AMBRA1: variants seen among roughly 807,000 people sequenced by gnomAD.
AMBRA1 encodes the protein autophagy and beclin 1 regulator 1.
A neutral mutation model predicts 125.4 loss-of-function variants in AMBRA1; 47 were observed. That is an observed-to-expected ratio of 0.37 (90% CI 0.30 to 0.48). The LOEUF is 0.48. Among genes scored for constraint, AMBRA1 ranks in the 20% least tolerant of loss-of-function variants. The pLI, the probability that AMBRA1 is intolerant of heterozygous loss-of-function variation, is 0.99. For synonymous variants in AMBRA1, 626 were observed against 655.5 expected (o/e 0.95, Z 0.69); for missense variants, 1,331 against 1,693.4 (o/e 0.79, Z 3.76).
rs535122825 is a variant in AMBRA1 at position 46,475,935 on chromosome 11, C to T, written c.2521+17673G>A. Among the ~76,000 whole-genome samples, 95 of 152,240 alleles carry T rather than the reference C, an allele frequency of 6.2e-4. 2 individuals are homozygous for T. The South Asian group carries it at 0.019, about 31-fold the overall frequency. On this transcript the variant is annotated intron_variant, in intron 11 of 17. Coordinates refer to ENST00000683756, the MANE Select transcript of AMBRA1 (RefSeq NM_001387011.1). ...TGATTTTTTTCAGGAATTCTAAACC[C>T]TAACAGCTATTCTCCAGGTGTCGGA...
At chr11:46,470,508 G>A (rs1949541463) in intron 11 of AMBRA1, among the ~76,000 whole-genome samples, 1 of 146,752 alleles carries the variant, frequency 6.8e-6, no homozygotes, top group African/African-American at 2.6e-5. Flanking sequence ...AGAATGGCGT[G>A]AACCCGGGAG....
chr11:46,410,032 T>C (rs1484155516), intron 16 of AMBRA1, among the ~76,000 whole-genome samples: 2 of 152,258 alleles, frequency 1.3e-5, no homozygotes, highest in African/African-American at 2.4e-5. Flanking sequence ...CCAGGCACCA[T>C]GGCCAGGATG....
chr11:46,421,899 C>T (rs1257862117), intron 14 of AMBRA1, among the ~76,000 whole-genome samples: 1 of 152,140 alleles, frequency 6.6e-6, no homozygotes, highest in East Asian at 1.9e-4. Context: ...GTCATCAGTA[C>T]TGACAAAGAC....
intron 1 of AMBRA1, among the ~76,000 whole-genome samples, chr11:46,582,138 G>A (rs1462342307): frequency 6.7e-6 from 1 of 149,998 alleles, no homozygotes; most frequent in Non-Finnish European, 1.5e-5. Context: ...AAATTCGAAA[G>A]CCTTGACATA....
Position 46,593,967 on chromosome 11 carries a change from G to A in AMBRA1, c.-260C>T, listed in dbSNP as rs1338544353. On this transcript the variant is annotated 5_prime_UTR_variant, in exon 1 of 18. Coordinates refer to ENST00000683756, the MANE Select transcript of AMBRA1 (RefSeq NM_001387011.1). ...AGGCGGCTTGAGCGCGGGGCCTCGC[G>A]GACAACTCAGCCCTCGACCCGGCGC... 2 of 398,512 alleles carry A rather than the reference G, an allele frequency of 5.0e-6. No homozygotes were observed. Among genetic ancestry groups the A allele is most frequent in the African/African-American group, 4.1e-5 (2 of 48,622 alleles). The allele number at this position is 398,512 out of a possible 1,614,324, so 24.7% of individuals were successfully genotyped here.
At chr11:46,433,373 T>C (rs1947544621) in intron 14 of AMBRA1, 101 bp downstream of exon 14, 1 of 1,415,914 alleles carries the variant, frequency 7.1e-7, no homozygotes, top group Non-Finnish European at 9.5e-7. Context: ...GACTGTGTGA[T>C]AGCTCTGGTC....
At chr11:46,569,434 A>ATAT (rs1437827740) in intron 1 of AMBRA1, among the ~76,000 whole-genome samples, 1 of 128,996 alleles carries the variant, frequency 7.8e-6, no homozygotes, top group South Asian at 2.5e-4. Context: ...AGATTAAAAA[A>ATAT]AAAAAAATAT....
chr11:46,593,885 A>AAAAGAAAG lies in AMBRA1; in HGVS notation c.-186_-179dup, dbSNP rs2044695148. On this transcript the variant is annotated 5_prime_UTR_variant, in exon 1 of 18. Coordinates refer to ENST00000683756, the MANE Select transcript of AMBRA1 (RefSeq NM_001387011.1). ...CAGCGAACGGGCTGAGCCACAGGGA[A>AAAAGAAAG]AAAGAAAGAGGAGACAGGAATAAAG... 2.5e-6 allele frequency: 1 copy of AAAAGAAAG among 397,756 alleles called. No homozygotes were observed. The highest frequency in any genetic ancestry group is 4.4e-5 in the Admixed American group (1 of 22,704). 24.6% of individuals were successfully genotyped at this position (397,756 alleles called of 1,614,324 possible).
intron 11 of AMBRA1, among the ~76,000 whole-genome samples, chr11:46,482,824 C>T (rs1316439522): frequency 6.6e-6 from 1 of 151,988 alleles, no homozygotes; most frequent in East Asian, 1.9e-4. Flanking sequence ...GCCTGGCCAA[C>T]ACAGTGAAAC....
intron 15 of AMBRA1, among the ~76,000 whole-genome samples, chr11:46,413,919 C>T (rs941457684): frequency 7.2e-5 from 11 of 152,184 alleles, no homozygotes; most frequent in African/African-American, 2.7e-4. Flanking sequence ...TGGGTTCTTC[C>T]TGGGAACTAC....
intron 1 of AMBRA1, among the ~76,000 whole-genome samples, chr11:46,570,797 G>C (rs1271280721): frequency 6.6e-6 from 1 of 151,982 alleles, no homozygotes; most frequent in African/African-American, 2.4e-5. Flanking sequence ...GTAGGCACAA[G>C]TCATTTTCTA....
At chr11:46,483,492 AGGTGAT>A (rs993243019) in intron 11 of AMBRA1, among the ~76,000 whole-genome samples, 1 of 152,184 alleles carries the variant, frequency 6.6e-6, no homozygotes, top group Non-Finnish European at 1.5e-5. Context: ...AAAAGGTAAG[AGGTGAT>A]GTCTGCCAGC....
rs565209503 is a variant in AMBRA1, at chr11:46,474,085, T to C, written c.2521+19523A>G. Among the ~76,000 whole-genome samples the C allele has an allele frequency of 1.6e-3, 236 of 151,752 alleles. 3 individuals carry two copies. The highest frequency in any genetic ancestry group is 2.4e-3 in the Non-Finnish European group (161 of 67,924). On this transcript the variant is annotated intron_variant, in intron 11 of 17. Coordinates refer to ENST00000683756, the MANE Select transcript of AMBRA1 (RefSeq NM_001387011.1). ...CAATGAATACACACAAACTTGAAAA[T>C]AGGACTATATTACTCCTTAGAATAG...
rs115848873 is a variant in AMBRA1, at chr11:46,531,031, C to T, written c.2072+10914G>A. 8.7e-3 allele frequency among the ~76,000 whole-genome samples: 1,319 copies of T among 152,160 alleles called. 10 individuals carry two copies. The highest frequency in any genetic ancestry group is 0.031 in the African/African-American group (1,270 of 41,534). ...CCCAAGTAGTTGGGAAAACAGGTGC[C>T]TGCCACCATGTCAGCTAATTTTTGT... On this transcript the variant is annotated intron_variant, in intron 7 of 17. Coordinates refer to ENST00000683756, the MANE Select transcript of AMBRA1 (RefSeq NM_001387011.1).
intron 15 of AMBRA1, 89 bp from the exon 16 acceptor site, chr11:46,410,457 C>T: frequency 1.8e-6 from 2 of 1,131,576 alleles, no homozygotes; most frequent in Non-Finnish European, 2.7e-6. Context: ...GCTTTGTGGA[C>T]TGTGGCTGCC....
intron 11 of AMBRA1, among the ~76,000 whole-genome samples, chr11:46,474,084 A>G (rs2136892800): frequency 6.6e-6 from 1 of 152,310 alleles, no homozygotes; most frequent in Non-Finnish European, 1.5e-5. Flanking sequence ...AAACTTGAAA[A>G]TAGGACTATA....
At chr11:46,557,623 T>C (rs566273636) in intron 1 of AMBRA1, among the ~76,000 whole-genome samples, 8 of 152,164 alleles carry the variant, frequency 5.3e-5, no homozygotes, top group African/African-American at 1.9e-4. Context: ...CTGGTCAACA[T>C]AGTGAGACCC....
intron 7 of AMBRA1, among the ~76,000 whole-genome samples, chr11:46,527,477 CAAAA>C (rs59904013): frequency 4.3e-3 from 111 of 25,908 alleles, no homozygotes; most frequent in Admixed American, 9.0e-3. Context: ...GAGACTGTCT[CAAAA>C]AAAAAAAAAA....
At chr11:46,402,125 G>A (rs945998464) in intron 17 of AMBRA1, among the ~76,000 whole-genome samples, 2 of 152,196 alleles carry the variant, frequency 1.3e-5, no homozygotes, top group African/African-American at 4.8e-5. Flanking sequence ...ACCTCACAGT[G>A]CTTCACAACT....
Sources: gnomAD v4.1 joint callset for allele counts (sites outside exome capture counted in the v4.1 genomes callset) on GRCh38, gnomAD v4.1.1 for gene constraint, MANE v1.5 for transcripts, NCBI Gene and HGNC (gene_info 2026-07-23, HGNC 2026-07-21) for gene names.